The following POLN variants were observed in gnomAD, a reference collection of about 807,000 sequenced individuals.
The protein encoded by POLN is DNA polymerase N.
POLN carries 108 observed loss-of-function variants against 113.5 expected under a neutral mutation model. The observed-to-expected ratio is 0.95, with a 90% CI of 0.81 to 1.12. The LOEUF is 1.12. Ranked by LOEUF, POLN falls within the 50% of genes most tolerant of loss-of-function variation. The pLI is 0.00. For missense variants in POLN, 1,097 were observed against 1,077.1 expected (o/e 1.02, Z -0.26); for synonymous variants, 386 against 391.5 (o/e 0.99, Z 0.17).
At chr4:2,106,932 C>T (rs6817021) in intron 19 of POLN, among the ~76,000 whole-genome samples, 16,989 of 152,044 alleles carry the variant, frequency 0.11, 3,198 homozygotes, top group African/African-American at 0.39. Flanking sequence ...AAAAACCTTA[C>T]TGGTATTTTT....
chr4:2,114,053 C>T (rs535660490), intron 19 of POLN, among the ~76,000 whole-genome samples: 40 of 151,568 alleles, frequency 2.6e-4, no homozygotes, highest in Non-Finnish European at 5.3e-4. Context: ...GCACACACGT[C>T]ATGCTCAGCT....
intron 19 of POLN, among the ~76,000 whole-genome samples, chr4:2,096,609 T>C (rs1730796482): frequency 6.6e-6 from 1 of 151,106 alleles, no homozygotes; most frequent in Admixed American, 6.6e-5. Flanking sequence ...TCCTGCCTGC[T>C]GCTTTTGTAA....
intron 19 of POLN, among the ~76,000 whole-genome samples, chr4:2,097,470 C>A (rs6839021): frequency 0.11 from 16,684 of 151,896 alleles, 3,092 homozygotes; most frequent in African/African-American, 0.38. Context: ...CCTGTCTCAG[C>A]CTCCTGTGTA....
At chr4:2,179,162 C>G in intron 8 of POLN, 146 bp downstream of exon 8, 1 of 798,000 alleles carries the variant, frequency 1.3e-6, no homozygotes. Context: ...ACCAGAAATG[C>G]CAAGGTCACA....
intron 16 of POLN, among the ~76,000 whole-genome samples, chr4:2,132,022 G>T (rs1309976127): frequency 6.6e-6 from 1 of 152,176 alleles, no homozygotes; most frequent in Non-Finnish European, 1.5e-5. Flanking sequence ...GACGAATTGT[G>T]CCAAGCATCA....
At chr4:2,175,159 G>A (rs944624408) in intron 9 of POLN, among the ~76,000 whole-genome samples, 2 of 152,026 alleles carry the variant, frequency 1.3e-5, no homozygotes, top group African/African-American at 2.4e-5. Flanking sequence ...GAATTAAGGT[G>A]ACCCCTATCA....
intron 4 of POLN, among the ~76,000 whole-genome samples, chr4:2,210,115 T>C (rs1174899997): frequency 6.6e-6 from 1 of 151,760 alleles, no homozygotes; most frequent in Non-Finnish European, 1.5e-5. Context: ...AATTTTAAAT[T>C]TATACTTGTA....
chr4:2,153,079 C>T (rs1345510422), intron 16 of POLN, among the ~76,000 whole-genome samples: 8 of 152,250 alleles, frequency 5.3e-5, no homozygotes, highest in African/African-American at 1.7e-4. Flanking sequence ...CTGTACAACA[C>T]ACCCACATGT....
rs11945503 is a variant in POLN, at chr4:2,157,920, G to T, written c.1612-9C>A. Reference sequence around the variant, plus strand: ...GACTTGATCTTGTGAACCTAAGGTGGAAAGACAAGAATAATCATTTTCTTT... The same window carrying T: ...GACTTGATCTTGTGAACCTAAGGTGTAAAGACAAGAATAATCATTTTCTTT... On this transcript the variant is annotated splice_polypyrimidine_tract_variant and intron_variant, in intron 14 of 25. Transcript: ENST00000511885. 1.4e-3 allele frequency: 2,198 copies of T among 1,595,346 alleles called. 27 individuals carry two copies. The African/African-American group carries it at 0.026, about 19-fold the overall frequency.
At chr4:2,227,214 T>C (rs1350472012) in intron 3 of POLN, among the ~76,000 whole-genome samples, 2 of 152,224 alleles carry the variant, frequency 1.3e-5, no homozygotes, top group East Asian at 1.9e-4. Context: ...GTTGCCCACA[T>C]AGAGGATCAC....
intron 19 of POLN, among the ~76,000 whole-genome samples, chr4:2,120,477 G>A (rs1035475145): frequency 2.0e-5 from 3 of 151,788 alleles, no homozygotes; most frequent in Admixed American, 1.3e-4. Flanking sequence ...TGAAATTTAA[G>A]TACTTTATTA....
At chr4:2,217,619 C>T (rs542072649) in intron 3 of POLN, among the ~76,000 whole-genome samples, 3 of 152,334 alleles carry the variant, frequency 2.0e-5, no homozygotes, top group East Asian at 1.9e-4. Context: ...AGTAGCATGA[C>T]AGTTTTGTTT....
chr4:2,122,822 T>C (rs921097148), intron 19 of POLN, among the ~76,000 whole-genome samples: 1 of 152,144 alleles, frequency 6.6e-6, no homozygotes, highest in African/African-American at 2.4e-5. Flanking sequence ...CTCCTAGGTA[T>C]ACACTCAGGA....
chr4:2,206,920 G>A (rs1311196167), intron 5 of POLN, among the ~76,000 whole-genome samples: 2 of 152,136 alleles, frequency 1.3e-5, no homozygotes, highest in African/African-American at 4.8e-5. Flanking sequence ...AGGAAAAGAA[G>A]TCATTATACG....
chr4:2,155,811 T>A (rs1304344982), intron 16 of POLN, among the ~76,000 whole-genome samples: 1 of 152,102 alleles, frequency 6.6e-6, no homozygotes, highest in Non-Finnish European at 1.5e-5. Context: ...TAATATAAAA[T>A]AGCATGGCTT....
Position 2,080,369 on chromosome 4 carries a change from C to G in POLN, c.2387+589G>C, listed in dbSNP as rs1002037067. 9.8e-5 allele frequency: 85 copies of G among 865,502 alleles called. No homozygotes were observed. In the Admixed American group the frequency reaches 0.015, roughly 158 times the overall value. 53.6% of individuals were successfully genotyped at this position (865,502 alleles called of 1,614,324 possible). A position where few individuals can be genotyped will look rare whatever the true frequency, so the allele number is the denominator to read the frequency against. On this transcript the variant is annotated intron_variant, in intron 23 of 25. Coordinates refer to ENST00000511885, the MANE Select transcript of POLN (RefSeq NM_181808.4). ...GCCTGGGGGGCAGCCAGGGCGGAGC[C>G]CCCCCCCACCAAGGCACATCTGCAT...
chr4:2,208,242 A>G lies in POLN; in HGVS notation c.459T>C (p.Asn153=). 6.3e-7 allele frequency: 1 copy of G among 1,587,828 alleles called. No homozygotes were observed. The highest frequency in any genetic ancestry group is 8.6e-7 in the Non-Finnish European group (1 of 1,160,908). Residue 153 remains asparagine (N), a synonymous_variant, in exon 5 of 26, where the codon AAT becomes AAC. Transcript: ENST00000511885. ...TATATGTAATATGTTTTCTTTTAAG[A>G]TTAATGCTTCCTTTATTTTCATTAT... The part of the protein sequence containing the change: ...NINNENKGSI[N]LKRKHITYNN...
chr4:2,209,657 CTTT>C (rs1175117439), intron 4 of POLN, among the ~76,000 whole-genome samples: 1 of 108,406 alleles, frequency 9.2e-6, no homozygotes, highest in African/African-American at 4.0e-5. Context: ...TTTCCTTTTC[CTTT>C]TTTTTTTTTT....
At chr4:2,081,435 C>T (rs1425764454) in intron 22 of POLN, 198 bp downstream of exon 22, 3 of 638,958 alleles carry the variant, frequency 4.7e-6, no homozygotes, top group Non-Finnish European at 5.5e-6. Flanking sequence ...ATCATCCTAG[C>T]TACAAAGATG....
Sources: gnomAD v4.1 joint callset for allele counts (sites outside exome capture counted in the v4.1 genomes callset) on GRCh38, gnomAD v4.1.1 for gene constraint, MANE v1.5 for transcripts, NCBI Gene and HGNC (gene_info 2026-07-23, HGNC 2026-07-21) for gene names.